Variants in NEURL1 observed in about 807,000 individuals in gnomAD.
NEURL1 encodes the protein neuralized E3 ubiquitin protein ligase 1.
In NEURL1, 26 loss-of-function variants were observed where a neutral mutation model predicts 41.2. The ratio of observed to expected loss-of-function variants is 0.63; its 90% CI spans 0.46 to 0.87. The LOEUF is 0.87. NEURL1 is among the 40% of genes least tolerant of loss of function. NEURL1 has a pLI of 0.00. For synonymous variants in NEURL1, 400 were observed against 402.3 expected, an observed-to-expected ratio of 0.99 and a Z score of 0.07; for missense variants, 761 against 871.1, an observed-to-expected ratio of 0.87 and a Z score of 1.59.
intron 1 of NEURL1, among the ~76,000 whole-genome samples, chr10:103,526,931 T>C (rs541798530): frequency 3.1e-4 from 47 of 151,910 alleles, no homozygotes; most frequent in African/African-American, 1.1e-3. Context: ...GTATCATCTT[T>C]TTTTTTTTTT....
At chr10:103,557,494 C>T (rs2035182194) in intron 1 of NEURL1, among the ~76,000 whole-genome samples, 2 of 152,138 alleles carry the variant, frequency 1.3e-5, no homozygotes, top group African/African-American at 4.8e-5. Context: ...CATCAAATGC[C>T]ACATCTGCCT....
Position 103,503,788 on chromosome 10 carries a change from C to CTTTTTTTTTTTTTTTTTTTTT in NEURL1, c.85+9336_85+9337insTTTTTTTTTTTTTTTTTTTTT, listed in dbSNP as rs56098530. The stretch of plus-strand genomic sequence containing the variant: ...AGAGCTCATGCTGTGCTCCCCCTGG[C>CTTTTTTTTTTTTTTTTTTTTT]TTTTTTTTTTTTTTTTTTTTGAGAC... On this transcript the variant is annotated intron_variant, in intron 1 of 5. Transcript: ENST00000369780. Among the ~76,000 whole-genome samples the CTTTTTTTTTTTTTTTTTTTTT allele has an allele frequency of 4.5e-5, 5 of 110,586 alleles. 2 individuals carry two copies. Among genetic ancestry groups the CTTTTTTTTTTTTTTTTTTTTT allele is most frequent in the South Asian group, 6.2e-4 (2 of 3,204 alleles). The allele number at this position is 110,586 out of a possible 152,430, so 72.5% of individuals were successfully genotyped here.
chr10:103,496,007 C>T (rs2033676286), intron 1 of NEURL1, among the ~76,000 whole-genome samples: 1 of 151,398 alleles, frequency 6.6e-6, no homozygotes, highest in African/African-American at 2.4e-5. Flanking sequence ...ACTTGGGAGG[C>T]AGATAGGCAG....
rs1465489382 is a variant in NEURL1 at position 103,585,245 on chromosome 10, C to T, written c.1339+20C>T. ...TCCTCGGTGAGTGCCCGCAGCTGCG[C>T]CTGGGCGTATGCCTTTCCTGGAGGC... On this transcript the variant is annotated intron_variant, in intron 4 of 5. Transcript: ENST00000369780. 1 of 1,484,486 alleles carries T rather than the reference C, an allele frequency of 6.7e-7. No homozygotes were observed. The highest frequency in any genetic ancestry group is 8.9e-7 in the Non-Finnish European group (1 of 1,117,420). The allele number at this position is 1,484,486 out of a possible 1,614,324, so 92.0% of individuals were successfully genotyped here.
intron 3 of NEURL1, among the ~76,000 whole-genome samples, chr10:103,578,840 G>A (rs2035723575): frequency 1.3e-5 from 2 of 152,192 alleles, no homozygotes; most frequent in Non-Finnish European, 2.9e-5. Flanking sequence ...CGCACTTCCC[G>A]GCTCCCTCCC....
chr10:103,518,926 T>A (rs1185453585), intron 1 of NEURL1, among the ~76,000 whole-genome samples: 2 of 152,214 alleles, frequency 1.3e-5, no homozygotes, highest in African/African-American at 4.8e-5. Context: ...TATTTATTTT[T>A]AACAATAAGC....
chr10:103,518,800 G>A (rs184944182), intron 1 of NEURL1, among the ~76,000 whole-genome samples: 13 of 152,290 alleles, frequency 8.5e-5, no homozygotes, highest in Admixed American at 6.5e-4. Flanking sequence ...ACAGACCAAG[G>A]CTGAGTGGAT....
At chr10:103,537,936 G>T (rs139145453) in intron 1 of NEURL1, among the ~76,000 whole-genome samples, 1 of 151,904 alleles carries the variant, frequency 6.6e-6, no homozygotes, top group Non-Finnish European at 1.5e-5. Context: ...TCAAGTAACC[G>T]CCAGCTGCTT....
At chr10:103,588,158 T>C (rs1200778796) in intron 4 of NEURL1, among the ~76,000 whole-genome samples, 2 of 151,888 alleles carry the variant, frequency 1.3e-5, no homozygotes, top group Non-Finnish European at 2.9e-5. Context: ...CAAAAAAAAT[T>C]AGCTGGGCCT....
At chr10:103,535,495 G>A (rs1336238400) in intron 1 of NEURL1, among the ~76,000 whole-genome samples, 1 of 152,168 alleles carries the variant, frequency 6.6e-6, no homozygotes, top group African/African-American at 2.4e-5. Flanking sequence ...GGACATGACT[G>A]TCCTCGGCAG....
Position 103,508,302 on chromosome 10 carries a change from G to C in NEURL1, c.85+13830G>C, listed in dbSNP as rs1313912929. ...TGAGTCCGAATTGCCACAGGACTGT[G>C]AAAGTCCGATCTTCCAAATCTCACT... On this transcript the variant is annotated intron_variant, in intron 1 of 5. Coordinates refer to ENST00000369780, the MANE Select transcript of NEURL1 (RefSeq NM_004210.5). This position sits in a 1 kb window ranked among gnomAD's most constrained non-coding sequence, Gnocchi z 4.3. Among the ~76,000 whole-genome samples the C allele has an allele frequency of 6.6e-6, 1 of 152,222 alleles. No homozygotes were observed. The highest frequency in any genetic ancestry group is 2.4e-5 in the African/African-American group (1 of 41,462).
Position 103,591,018 on chromosome 10 carries a change from G to C in NEURL1, c.*646G>C, listed in dbSNP as rs1021781801. ...GGTGGTTGCCTCCCGTCCTGGGCAGGCTGCAGCCTCATGCCATGTCTCTCT... is the reference window on the plus strand; with the variant it reads ...GGTGGTTGCCTCCCGTCCTGGGCAGCCTGCAGCCTCATGCCATGTCTCTCT... On this transcript the variant is annotated 3_prime_UTR_variant, in exon 6 of 6. Transcript: ENST00000369780. 3 of 153,322 alleles carry C rather than the reference G, an allele frequency of 2.0e-5. No individual in the cohort carries two copies. The highest frequency in any genetic ancestry group is 1.5e-5 in the Non-Finnish European group (1 of 68,612). The allele number at this position is 153,322 out of a possible 1,614,324, so 9.5% of individuals were successfully genotyped here. A position where few individuals can be genotyped will look rare whatever the true frequency, so the allele number is the denominator to read the frequency against.
intron 1 of NEURL1, among the ~76,000 whole-genome samples, chr10:103,570,512 G>A (rs2035516186): frequency 6.6e-6 from 1 of 151,914 alleles, no homozygotes; most frequent in African/African-American, 2.4e-5. Context: ...TGGAGTGCCA[G>A]TGAGTGGTGG....
In NEURL1 at chr10:103,493,899, C is replaced by T. The variant is rs1186226357; in HGVS notation, c.-489C>T. The T allele has an allele frequency of 3.3e-5, 5 of 152,014 alleles. No individual in the cohort carries two copies. Among genetic ancestry groups the T allele is most frequent in the Non-Finnish European group, 7.3e-5 (5 of 68,148 alleles). The allele number at this position is 152,014 out of a possible 1,614,324, so 9.4% of individuals were successfully genotyped here. ...TCCGCCGAGCCCCGCTCCACGCAGA[C>T]CCGCGGGCGGGAGGGAGCCACGCAC... On this transcript the variant is annotated 5_prime_UTR_variant, in exon 1 of 6. Coordinates refer to ENST00000369780, the MANE Select transcript of NEURL1 (RefSeq NM_004210.5).
At chr10:103,569,034 C>T (rs866165747) in intron 1 of NEURL1, among the ~76,000 whole-genome samples, 9 of 152,166 alleles carry the variant, frequency 5.9e-5, no homozygotes, top group Non-Finnish European at 1.0e-4. Flanking sequence ...AGGCTGGTCT[C>T]GAACTCCTGA....
Position 103,494,480 on chromosome 10 carries a change from C to A in NEURL1, c.85+8C>A, listed in dbSNP as rs968099136. On this transcript the variant is annotated splice_region_variant and intron_variant, in intron 1 of 5. Transcript: ENST00000369780. ...ACCCCCAGAACCTCAAAGGTAGGCT[C>A]CCCGGCCGAGCGCTGCTGGAGGACT... 6 of 1,553,808 alleles carry A rather than the reference C, an allele frequency of 3.9e-6. No individual in the cohort carries two copies. The highest frequency in any genetic ancestry group is 1.2e-5 in the South Asian group (1 of 84,472).
At chr10:103,580,122 A>C (rs959344450) in intron 3 of NEURL1, among the ~76,000 whole-genome samples, 3 of 151,924 alleles carry the variant, frequency 2.0e-5, no homozygotes, top group Non-Finnish European at 4.4e-5. Flanking sequence ...GAGGGGAAAC[A>C]CATGGCCGGG....
chr10:103,553,820 T>A (rs1234809721), intron 1 of NEURL1, among the ~76,000 whole-genome samples: 1 of 152,148 alleles, frequency 6.6e-6, no homozygotes, highest in Non-Finnish European at 1.5e-5. Context: ...CCCAGCCCTT[T>A]CCCTGGGGTC....
chr10:103,531,687 CT>C (rs201833061), intron 1 of NEURL1, among the ~76,000 whole-genome samples: 630 of 133,436 alleles, frequency 4.7e-3, no homozygotes, highest in African/African-American at 9.8e-3. Context: ...CTGGCTTTTT[CT>C]TTTTTTTTTT....
Sources: allele counts gnomAD v4.1 joint callset (sites outside exome capture counted in the v4.1 genomes callset), GRCh38; gene constraint gnomAD v4.1.1; non-coding constraint Gnocchi (gnomAD v3.1); transcripts MANE v1.5; gene names NCBI Gene and HGNC (gene_info 2026-07-23, HGNC 2026-07-21).